CSMD1: variants seen among roughly 807,000 people sequenced by gnomAD.
CSMD1 encodes the protein CUB and Sushi multiple domains 1, also known as CUB and sushi domain-containing protein 1.
A neutral mutation model predicts 417.5 loss-of-function variants in CSMD1; 213 were observed. The observed-to-expected ratio is 0.51, with a 90% CI of 0.46 to 0.57. CSMD1 has a LOEUF of 0.57. CSMD1 is among the 20% of genes least tolerant of loss of function. The probability of loss-of-function intolerance (pLI) is 0.00; values close to 1 mark genes in which losing one functional copy is unlikely to be tolerated. For missense variants in CSMD1, 6,923 were observed against 4,529.7 expected (o/e 1.53, Z -15.17); for synonymous variants, 2,862 against 1,736.8 (o/e 1.65, Z -16.11).
At chr8:3,658,282 A>T (rs781531647) in intron 7 of CSMD1, among the ~76,000 whole-genome samples, 2 of 152,164 alleles carry the variant, frequency 1.3e-5, no homozygotes, top group Admixed American at 6.5e-5. Context: ...CTTATCAATG[A>T]TTGTATTTGT....
intron 41 of CSMD1, among the ~76,000 whole-genome samples, chr8:3,130,592 C>G (rs1817741938): frequency 6.6e-6 from 1 of 152,210 alleles, no homozygotes; most frequent in Non-Finnish European, 1.5e-5. Flanking sequence ...GGGAAGCCCT[C>G]TGACCTTCCG....
intron 1 of CSMD1, among the ~76,000 whole-genome samples, chr8:4,859,661 G>A (rs1344914976): frequency 6.6e-6 from 1 of 152,024 alleles, no homozygotes; most frequent in Non-Finnish European, 1.5e-5. Flanking sequence ...ATGAAAAAAT[G>A]CTCATCATCC....
intron 3 of CSMD1, among the ~76,000 whole-genome samples, chr8:4,295,643 T>C (rs1022184684): frequency 6.9e-6 from 1 of 145,104 alleles, no homozygotes; most frequent in Non-Finnish European, 1.5e-5. Context: ...ATATTCATAA[T>C]ATATAAAAAT....
chr8:4,321,659 T>TA (rs1437210395), intron 3 of CSMD1, among the ~76,000 whole-genome samples: 1 of 152,200 alleles, frequency 6.6e-6, no homozygotes, highest in Non-Finnish European at 1.5e-5. Context: ...GTGGTAAAGA[T>TA]AAAAGAGCTG....
intron 2 of CSMD1, among the ~76,000 whole-genome samples, chr8:4,436,961 C>T (rs1042524428): frequency 2.6e-5 from 4 of 152,150 alleles, no homozygotes; most frequent in Non-Finnish European, 5.9e-5. Flanking sequence ...CTAGAGTGTA[C>T]AGTGCTGCAA....
intron 3 of CSMD1, among the ~76,000 whole-genome samples, chr8:4,234,972 A>T (rs1801958998): frequency 6.6e-6 from 1 of 152,202 alleles, no homozygotes; most frequent in Admixed American, 6.5e-5. Flanking sequence ...TCATGACCTC[A>T]TGGAATCTCA....
At chr8:4,093,312 G>C (rs1800818653) in intron 3 of CSMD1, among the ~76,000 whole-genome samples, 1 of 151,946 alleles carries the variant, frequency 6.6e-6, no homozygotes, top group Non-Finnish European at 1.5e-5. Flanking sequence ...AATAAACCAG[G>C]TTTTAATTTC....
At chr8:4,665,250 T>C (rs1804846562) in intron 1 of CSMD1, among the ~76,000 whole-genome samples, 1 of 152,214 alleles carries the variant, frequency 6.6e-6, no homozygotes, top group Non-Finnish European at 1.5e-5. Flanking sequence ...TCACTTTCTC[T>C]GAAACTTCAA....
At chr8:3,983,148 T>TTTTTTTTTTTTA (rs1814024522) in intron 5 of CSMD1, among the ~76,000 whole-genome samples, 1 of 150,376 alleles carries the variant, frequency 6.6e-6, no homozygotes, top group African/African-American at 2.4e-5. Context: ...TTTTTTTTTT[T>TTTTTTTTTTTTA]GAGACGGACT....
rs138712902 is a variant in CSMD1, at chr8:3,764,235, G to A, written c.819-10193C>T. Among the ~76,000 whole-genome samples, 4 of 152,222 alleles carry A rather than the reference G, an allele frequency of 2.6e-5. No individual in the cohort carries two copies. In the East Asian group the frequency reaches 5.8e-4, roughly 22 times the overall value. On this transcript the variant is annotated intron_variant, in intron 5 of 69. Transcript: ENST00000635120. The stretch of plus-strand genomic sequence containing the variant: ...CACATGTGTTCCACCTGCAAAGTAC[G>A]CTTCTCGCTTCTCTTCCAGCTACAC...
At chr8:4,131,589 C>A (rs1461974453) in intron 3 of CSMD1, among the ~76,000 whole-genome samples, 2 of 152,034 alleles carry the variant, frequency 1.3e-5, no homozygotes, top group African/African-American at 4.8e-5. Flanking sequence ...ACTGCATAGT[C>A]CCTAATGCTT....
intron 18 of CSMD1, among the ~76,000 whole-genome samples, chr8:3,377,913 CTT>C (rs1366053317): frequency 1.3e-5 from 2 of 152,180 alleles, no homozygotes; most frequent in African/African-American, 4.8e-5. Flanking sequence ...CTCTCTCTCT[CTT>C]TCTATCTAAC....
At chr8:3,026,255 C>A (rs76899869) in intron 51 of CSMD1, among the ~76,000 whole-genome samples, 2,320 of 152,010 alleles carry the variant, frequency 0.015, 19 homozygotes, top group East Asian at 0.038. Context: ...GCAATAACAT[C>A]AGGTCCTCAG....
chr8:4,084,971 C>T (rs1024683843), intron 3 of CSMD1, among the ~76,000 whole-genome samples: 3 of 152,116 alleles, frequency 2.0e-5, no homozygotes, highest in South Asian at 2.1e-4. Context: ...AAGGAGATGG[C>T]CATATTACCA....
intron 6 of CSMD1, among the ~76,000 whole-genome samples, chr8:3,741,095 A>T (rs1287215190): frequency 6.6e-6 from 1 of 151,746 alleles, no homozygotes; most frequent in African/African-American, 2.4e-5. Flanking sequence ...GGTGCCTGTG[A>T]TCCCAGCTAC....
At chr8:3,749,472 A>C (rs1018226326) in intron 6 of CSMD1, among the ~76,000 whole-genome samples, 5 of 152,230 alleles carry the variant, frequency 3.3e-5, no homozygotes. Flanking sequence ...GTGAAAGTCA[A>C]AGAAGAAAGT....
chr8:3,437,932 G>A (rs77217888), intron 12 of CSMD1, among the ~76,000 whole-genome samples: 16,469 of 151,834 alleles, frequency 0.11, 971 homozygotes, highest in African/African-American at 0.15. Flanking sequence ...GTAGAGACAG[G>A]GTTTCATCAT....
intron 2 of CSMD1, among the ~76,000 whole-genome samples, chr8:4,456,385 C>G (rs935146082): frequency 1.3e-5 from 2 of 152,104 alleles, no homozygotes; most frequent in African/African-American, 4.8e-5. Flanking sequence ...AATCAAATAG[C>G]TAGGTATCAA....
chr8:3,512,307 C>G (rs558269932), intron 10 of CSMD1, among the ~76,000 whole-genome samples: 2 of 152,228 alleles, frequency 1.3e-5, no homozygotes. Flanking sequence ...CTGAGTTTAG[C>G]AACTTATTTG....
Sources: gnomAD v4.1 joint callset for allele counts (sites outside exome capture counted in the v4.1 genomes callset) on GRCh38, gnomAD v4.1.1 for gene constraint, MANE v1.5 for transcripts, NCBI Gene and HGNC (gene_info 2026-07-23, HGNC 2026-07-21) for gene names.